Variants in KIF16B observed in about 807,000 individuals in gnomAD.
The protein encoded by KIF16B is kinesin-like protein KIF16B.
A neutral mutation model predicts 156.3 loss-of-function variants in KIF16B; 98 were observed. The observed-to-expected ratio is 0.63, with a 90% CI of 0.53 to 0.74. The LOEUF (loss-of-function observed/expected upper bound fraction) is 0.74, where lower values mean the gene tolerates loss of function less well. KIF16B is among the 30% of genes least tolerant of loss of function. KIF16B has a pLI of 0.00. For synonymous variants in KIF16B, 564 were observed against 583.7 expected (o/e 0.97, Z 0.49); for missense variants, 1,421 against 1,606.5 (o/e 0.88, Z 1.97).
chr20:16,280,867 T>TGTGTTTGTGTGC (rs758721339), intron 25 of KIF16B, among the ~76,000 whole-genome samples: 6 of 150,898 alleles, frequency 4.0e-5, no homozygotes, highest in Admixed American at 1.3e-4. Context: ...TGTGTGTGTG[T>TGTGTTTGTGTGC]GCGCAGAAAA....
chr20:16,469,254 T>TAAAAAAAAAA (rs57114751), intron 12 of KIF16B, among the ~76,000 whole-genome samples: 19 of 66,076 alleles, frequency 2.9e-4, no homozygotes, highest in African/African-American at 6.2e-4. Flanking sequence ...CCCTGTGTCT[T>TAAAAAAAAAA]AAAAAAAAAA....
intron 17 of KIF16B, among the ~76,000 whole-genome samples, chr20:16,402,945 G>A (rs2065691105): frequency 6.6e-6 from 1 of 152,282 alleles, no homozygotes; most frequent in East Asian, 1.9e-4. Context: ...TCCTGTTTTA[G>A]GGAGAAAAAA....
intron 15 of KIF16B, among the ~76,000 whole-genome samples, chr20:16,425,469 C>A (rs570265359): frequency 7.2e-4 from 110 of 152,116 alleles, no homozygotes; most frequent in African/African-American, 2.5e-3. Context: ...TGGCAACCAT[C>A]ATAATAATAA....
chr20:16,508,167 C>G, intron 6 of KIF16B, 67 bp from the exon 7 acceptor site: 1 of 1,553,982 alleles, frequency 6.4e-7, no homozygotes. Flanking sequence ...ACAAAATTAC[C>G]CTCTATGAAA....
chr20:16,273,858 G>A (rs368630591), intron 25 of KIF16B, among the ~76,000 whole-genome samples: 3 of 152,074 alleles, frequency 2.0e-5, no homozygotes, highest in African/African-American at 7.2e-5. Flanking sequence ...CAGAGAAGAC[G>A]GAGTCACAAA....
At chr20:16,357,215 T>G (rs2064460781) in intron 22 of KIF16B, among the ~76,000 whole-genome samples, 1 of 152,180 alleles carries the variant, frequency 6.6e-6, no homozygotes, top group African/African-American at 2.4e-5. Flanking sequence ...ACAAAATAAT[T>G]AGAATCATAA....
chr20:16,394,273 A>G (rs1317906195), intron 17 of KIF16B, among the ~76,000 whole-genome samples: 4 of 152,218 alleles, frequency 2.6e-5, no homozygotes, highest in African/African-American at 9.6e-5. Context: ...TTAAGAGCTC[A>G]TCTCCCCACC....
intron 24 of KIF16B, among the ~76,000 whole-genome samples, chr20:16,328,777 T>C (rs1435743761): frequency 1.3e-5 from 2 of 152,144 alleles, no homozygotes; most frequent in Non-Finnish European, 1.5e-5. Context: ...TGAGGTCTTG[T>C]TCTCCACAGA....
At chr20:16,347,180 C>T (rs2328019) in intron 23 of KIF16B, among the ~76,000 whole-genome samples, 108,389 of 152,066 alleles carry the variant, frequency 0.71, 39,473 homozygotes, top group East Asian at 0.96. Context: ...GGCACTGTGA[C>T]TCCGTTCTTA....
chr20:16,407,711 A>T (rs1404091875), intron 15 of KIF16B, among the ~76,000 whole-genome samples: 1 of 152,204 alleles, frequency 6.6e-6, no homozygotes, highest in Non-Finnish European at 1.5e-5. Flanking sequence ...TAGATGAAAT[A>T]GCCTGTGAAG....
intron 12 of KIF16B, among the ~76,000 whole-genome samples, chr20:16,475,533 A>G (rs1032327287): frequency 6.6e-6 from 1 of 152,242 alleles, no homozygotes. Flanking sequence ...CTGAATATCT[A>G]TGAAGATTCT....
intron 10 of KIF16B, among the ~76,000 whole-genome samples, chr20:16,503,705 A>G (rs2068688957): frequency 6.6e-6 from 1 of 152,208 alleles, no homozygotes; most frequent in African/African-American, 2.4e-5. Context: ...AGCAATATCA[A>G]AGCCTACCAG....
intron 19 of KIF16B, among the ~76,000 whole-genome samples, 155 bp downstream of exon 19, chr20:16,378,650 G>A (rs887580957): frequency 4.6e-5 from 7 of 151,820 alleles, no homozygotes; most frequent in African/African-American, 7.3e-5. Context: ...ACTTTTCTCA[G>A]TTCTGGCAAA....
intron 15 of KIF16B, among the ~76,000 whole-genome samples, chr20:16,423,630 AC>A (rs2066278966): frequency 6.6e-6 from 1 of 152,094 alleles, no homozygotes; most frequent in African/African-American, 2.4e-5. Context: ...CTTCCTTCTG[AC>A]CTAACTGAAG....
At chr20:16,508,191 C>T (rs1433639571) in intron 6 of KIF16B, 91 bp from the exon 7 acceptor site, 3 of 1,420,534 alleles carry the variant, frequency 2.1e-6, no homozygotes, top group Non-Finnish European at 2.9e-6. Context: ...TACACAACTC[C>T]AAAATCTGCT....
At chr20:16,280,574 G>T (rs950632757) in intron 25 of KIF16B, among the ~76,000 whole-genome samples, 2 of 152,208 alleles carry the variant, frequency 1.3e-5, no homozygotes, top group African/African-American at 2.4e-5. Context: ...CCTTAGGAGA[G>T]GGACAAGAAT....
intron 12 of KIF16B, among the ~76,000 whole-genome samples, chr20:16,454,435 A>G (rs903923776): frequency 1.1e-4 from 17 of 150,900 alleles, no homozygotes; most frequent in African/African-American, 3.9e-4. Context: ...TATAATATAT[A>G]TTACTTTTAT....
intron 25 of KIF16B, among the ~76,000 whole-genome samples, chr20:16,287,734 C>G (rs1377030538): frequency 6.6e-6 from 1 of 152,188 alleles, no homozygotes; most frequent in East Asian, 1.9e-4. Flanking sequence ...CCCAGCCTGG[C>G]AGCAAGCTTC....
At chr20:16,476,412 A>C (rs1349773288) in intron 12 of KIF16B, among the ~76,000 whole-genome samples, 1 of 152,228 alleles carries the variant, frequency 6.6e-6, no homozygotes, top group East Asian at 1.9e-4. Flanking sequence ...TTTTGTTTTA[A>C]ATGCAAACAT....
Sources: gnomAD v4.1 joint callset for allele counts (sites outside exome capture counted in the v4.1 genomes callset) on GRCh38, gnomAD v4.1.1 for gene constraint, MANE v1.5 for transcripts, NCBI Gene and HGNC (gene_info 2026-07-23, HGNC 2026-07-21) for gene names.